The following CLIC4 variants were observed in gnomAD, a reference collection of about 807,000 sequenced individuals.
CLIC4 encodes the protein chloride intracellular channel protein 4.
Under a neutral mutation model 24.6 loss-of-function variants are expected in CLIC4, and 13 were observed. The observed-to-expected ratio is 0.53, with a 90% confidence interval of 0.34 to 0.84. The LOEUF (loss-of-function observed/expected upper bound fraction) is 0.84. CLIC4 is among the 40% of genes least tolerant of loss of function. The pLI is 0.01. For synonymous variants in CLIC4, 104 were observed against 111.3 expected (o/e 0.93, Z 0.41); for missense variants, 227 against 301.7 (o/e 0.75, Z 1.83).
intron 2 of CLIC4, among the ~76,000 whole-genome samples, chr1:24,812,268 C>A (rs1371898013): frequency 1.3e-5 from 2 of 152,076 alleles, no homozygotes; most frequent in African/African-American, 2.4e-5. Flanking sequence ...ATTATGCCAT[C>A]TTTTATGTAT....
intron 1 of CLIC4, among the ~76,000 whole-genome samples, chr1:24,753,199 T>C (rs1467770298): frequency 6.6e-6 from 1 of 152,170 alleles, no homozygotes; most frequent in Admixed American, 6.6e-5. Context: ...TCAAGAATAC[T>C]TTATATAAGC....
Position 24,819,685 on chromosome 1 carries a change from C to A in CLIC4, c.308+5466C>A, listed in dbSNP as rs1382904582. 2.0e-5 allele frequency among the ~76,000 whole-genome samples: 3 copies of A among 151,764 alleles called. No homozygotes were observed. The East Asian group carries it at 5.8e-4, about 29-fold the overall frequency. ...AACTCTGGACCTCAGGTGATCCACCCGCCTCGGCCTCCCAGAGTGCTGGGA... is the reference window on the plus strand; with the variant it reads ...AACTCTGGACCTCAGGTGATCCACCAGCCTCGGCCTCCCAGAGTGCTGGGA... On this transcript the variant is annotated intron_variant, in intron 3 of 5. Coordinates refer to ENST00000374379, the MANE Select transcript of CLIC4 (RefSeq NM_013943.3).
At chr1:24,811,925 A>G (rs1639619211) in intron 2 of CLIC4, among the ~76,000 whole-genome samples, 3 of 152,276 alleles carry the variant, frequency 2.0e-5, no homozygotes, top group South Asian at 4.1e-4. Context: ...TGCTTTTTTA[A>G]CAAGATAGTA....
chr1:24,777,727 A>G (rs1244156976), intron 1 of CLIC4: 2 of 152,310 alleles, frequency 1.3e-5, no homozygotes, highest in Admixed American at 6.5e-5. Context: ...GAGATGTACT[A>G]TAATTATGAA....
intron 3 of CLIC4, among the ~76,000 whole-genome samples, chr1:24,823,306 T>C (rs972727776): frequency 6.6e-6 from 1 of 152,202 alleles, no homozygotes; most frequent in Non-Finnish European, 1.5e-5. Flanking sequence ...TGTGTATGTT[T>C]TATAGTTCTT....
chr1:24,817,775 A>G (rs911744657), intron 3 of CLIC4, among the ~76,000 whole-genome samples: 1 of 152,084 alleles, frequency 6.6e-6, no homozygotes, highest in African/African-American at 2.4e-5. Context: ...CTAGCTTTTG[A>G]TTTAAAGTGA....
chr1:24,810,932 A>G (rs1180170847), intron 2 of CLIC4, among the ~76,000 whole-genome samples: 4 of 151,788 alleles, frequency 2.6e-5, no homozygotes, highest in African/African-American at 7.3e-5. Context: ...TACATCAAAA[A>G]TTAGCTGGGC....
intron 2 of CLIC4, among the ~76,000 whole-genome samples, chr1:24,801,994 C>T (rs1205347558): frequency 6.6e-6 from 1 of 151,888 alleles, no homozygotes; most frequent in Non-Finnish European, 1.5e-5. Flanking sequence ...CATGTGTACA[C>T]AAAGCAAGTT....
At chr1:24,814,290 A>G in intron 3 of CLIC4, 71 bp downstream of exon 3, 2 of 1,494,138 alleles carry the variant, frequency 1.3e-6, no homozygotes, top group African/African-American at 1.4e-5. Context: ...GTCAGTAGAG[A>G]TCTTTCTCGC....
chr1:24,785,854 C>CAAAAAAAAAAAAACAA (rs1639259951), intron 1 of CLIC4, among the ~76,000 whole-genome samples: 1 of 58,852 alleles, frequency 1.7e-5, no homozygotes, highest in African/African-American at 8.0e-5. Flanking sequence ...GACTACAACT[C>CAAAAAAAAAAAAACAA]AAAAAAAAAA....
intron 1 of CLIC4, among the ~76,000 whole-genome samples, chr1:24,776,912 C>CA (rs955283246): frequency 2.9e-4 from 44 of 150,644 alleles, no homozygotes; most frequent in Non-Finnish European, 4.3e-4. Context: ...AACTCTGTCT[C>CA]AAAAAAAAAC....
chr1:24,751,684 C>T lies in CLIC4; in HGVS notation c.72+6059C>T, dbSNP rs139105987. ...TCTCCATCCAGCTTGGCCAACATGG[C>T]GAAACCCCGTCTCTACTAAAAATAC... On this transcript the variant is annotated intron_variant, in intron 1 of 5. Transcript: ENST00000374379. Among the ~76,000 whole-genome samples the T allele has an allele frequency of 2.1e-4, 32 of 152,110 alleles. No homozygotes were observed. The East Asian group carries it at 5.4e-3, about 26-fold the overall frequency.
intron 1 of CLIC4, among the ~76,000 whole-genome samples, chr1:24,791,806 G>A (rs973914015): frequency 3.3e-5 from 5 of 151,374 alleles, no homozygotes; most frequent in Admixed American, 3.3e-4. Context: ...AACCTCGGAG[G>A]TGGAGGTTGC....
chr1:24,816,490 G>A (rs949142235), intron 3 of CLIC4, among the ~76,000 whole-genome samples: 13 of 152,030 alleles, frequency 8.6e-5, no homozygotes, highest in South Asian at 6.2e-4. Flanking sequence ...TGATCCGCCC[G>A]TCTCGGCCTC....
chr1:24,756,917 C>T (rs540850942), intron 1 of CLIC4, among the ~76,000 whole-genome samples: 5 of 146,768 alleles, frequency 3.4e-5, no homozygotes, highest in Admixed American at 6.9e-5. Flanking sequence ...TTTTTTGAGA[C>T]GGAGTTTCGC....
intron 1 of CLIC4, among the ~76,000 whole-genome samples, chr1:24,760,701 A>T (rs1436370663): frequency 6.6e-6 from 1 of 152,106 alleles, no homozygotes; most frequent in African/African-American, 2.4e-5. Flanking sequence ...ACACTGTTGT[A>T]GGTGCTTGGA....
chr1:24,770,196 A>C (rs993567770), intron 1 of CLIC4, among the ~76,000 whole-genome samples: 1 of 152,010 alleles, frequency 6.6e-6, no homozygotes, highest in African/African-American at 2.4e-5. Flanking sequence ...GAAATGTCTA[A>C]ATGGTTCAAG....
chr1:24,752,486 G>A (rs1638788896), intron 1 of CLIC4, among the ~76,000 whole-genome samples: 1 of 152,184 alleles, frequency 6.6e-6, no homozygotes, highest in Non-Finnish European at 1.5e-5. Context: ...TGGGTGACAA[G>A]TACTGTCTGT....
At chr1:24,772,634 C>T (rs1639083748) in intron 1 of CLIC4, among the ~76,000 whole-genome samples, 1 of 152,038 alleles carries the variant, frequency 6.6e-6, no homozygotes, top group African/African-American at 2.4e-5. Context: ...TACAGGTGCC[C>T]GCCACCGTGT....
Sources: gnomAD v4.1 joint callset for allele counts (sites outside exome capture counted in the v4.1 genomes callset) on GRCh38, gnomAD v4.1.1 for gene constraint, MANE v1.5 for transcripts, NCBI Gene and HGNC (gene_info 2026-07-23, HGNC 2026-07-21) for gene names.